Variants in ARHGAP23 observed in about 807,000 individuals in gnomAD.
The protein encoded by ARHGAP23 is Rho GTPase activating protein 23, also known as rho GTPase-activating protein 23.
ARHGAP23 carries 34 observed loss-of-function variants against 136.3 expected under a neutral mutation model. That is an observed-to-expected ratio of 0.25 (90% CI 0.19 to 0.33). ARHGAP23 has a LOEUF of 0.33. Among genes scored for constraint, ARHGAP23 ranks in the 10% least tolerant of loss-of-function variants. The probability of loss-of-function intolerance (pLI) is 1.00; values close to 1 mark genes in which losing one functional copy is unlikely to be tolerated. For missense variants in ARHGAP23, 1,808 were observed against 2,139.0 expected, an observed-to-expected ratio of 0.85 and a Z score of 3.05; for synonymous variants, 832 against 920.5, an observed-to-expected ratio of 0.90 and a Z score of 1.74.
intron 17 of ARHGAP23, among the ~76,000 whole-genome samples, chr17:38,488,392 GTTGT>G (rs1222324109): frequency 1.3e-5 from 2 of 152,024 alleles, no homozygotes; most frequent in Non-Finnish European, 1.5e-5. Flanking sequence ...TTTCTGTTGC[GTTGT>G]TTATCTTTTT....
intron 7 of ARHGAP23, among the ~76,000 whole-genome samples, chr17:38,467,603 CCCAT>C (rs568421410): frequency 6.4e-4 from 98 of 152,030 alleles, no homozygotes; most frequent in South Asian, 2.3e-3. Flanking sequence ...TTTCCCTCTC[CCCAT>C]CCATCCATCC....
intron 12 of ARHGAP23, among the ~76,000 whole-genome samples, chr17:38,478,417 A>T (rs1218572336): frequency 1.2e-4 from 17 of 145,208 alleles, no homozygotes; most frequent in East Asian, 2.1e-4. Context: ...TTTTGGGATA[A>T]TTTTTTTTTT....
rs1475953915 is a variant in ARHGAP23 at position 38,466,080 on chromosome 17, T to A, written c.484-87T>A. On this transcript the variant is annotated intron_variant, in intron 6 of 23. Coordinates refer to ENST00000622683, the MANE Select transcript of ARHGAP23 (RefSeq NM_001199417.2). ...TGGTCCTCTCCCTTCATTTCCCTCC[T>A]GGGCTCCTTGACCTCCTCGGGCTGC... The A allele has an allele frequency of 3.0e-6, 3 of 1,011,602 alleles. No individual in the cohort carries two copies. The Admixed American group carries it at 1.3e-4, about 45-fold the overall frequency. 62.7% of individuals were successfully genotyped at this position (1,011,602 alleles called of 1,614,324 possible). A position where few individuals can be genotyped will look rare whatever the true frequency, so the allele number is the denominator to read the frequency against.
chr17:38,439,208 C>T (rs1490156282), intron 1 of ARHGAP23, among the ~76,000 whole-genome samples: 1 of 151,736 alleles, frequency 6.6e-6, no homozygotes, highest in Non-Finnish European at 1.5e-5. Context: ...AGTATGTCAC[C>T]CTCTTCCCCT....
intron 1 of ARHGAP23, chr17:38,453,779 G>A (rs1479258993): frequency 6.9e-6 from 1 of 145,494 alleles, no homozygotes; most frequent in Non-Finnish European, 1.5e-5. Flanking sequence ...GGGGCCCCCG[G>A]GCCCCGGGCC....
chr17:38,468,648 G>A (rs2039670632), intron 7 of ARHGAP23, among the ~76,000 whole-genome samples: 1 of 152,162 alleles, frequency 6.6e-6, no homozygotes, highest in African/African-American at 2.4e-5. Flanking sequence ...GGCCGGGAGA[G>A]GCAGTCTCTT....
rs561405728 is a variant in ARHGAP23 at position 38,463,436 on chromosome 17, C to A, written c.483+54C>A. Reference sequence around the variant, plus strand: ...AGACCCCTGAGCCCTGGGGCAGCACCGGCTCCCCTGGGAGGCAGAGAAGGA... The same window carrying A: ...AGACCCCTGAGCCCTGGGGCAGCACAGGCTCCCCTGGGAGGCAGAGAAGGA... On this transcript the variant is annotated intron_variant, in intron 6 of 23. Coordinates refer to ENST00000622683, the MANE Select transcript of ARHGAP23 (RefSeq NM_001199417.2). 7 of 1,537,478 alleles carry A rather than the reference C, an allele frequency of 4.6e-6. No individual in the cohort carries two copies. The African/African-American group carries it at 6.9e-5, about 15-fold the overall frequency.
chr17:38,490,090 G>A lies in ARHGAP23; in HGVS notation c.2987-12G>A, dbSNP rs1357097837. 7.7e-6 allele frequency: 12 copies of A among 1,551,322 alleles called. No homozygotes were observed. Among genetic ancestry groups the A allele is most frequent in the East Asian group, 4.9e-5 (2 of 40,938 alleles). On this transcript the variant is annotated splice_polypyrimidine_tract_variant and intron_variant, in intron 17 of 23. Coordinates refer to ENST00000622683, the MANE Select transcript of ARHGAP23 (RefSeq NM_001199417.2). Reference sequence around the variant, plus strand: ...GCCCCCACCTCTCTAAAGAGTCTCCGCTGTGTTCTAGACAAATACAACGAC... The same window carrying A: ...GCCCCCACCTCTCTAAAGAGTCTCCACTGTGTTCTAGACAAATACAACGAC...
intron 1 of ARHGAP23, chr17:38,453,799 G>A (rs1221440937): frequency 1.4e-5 from 2 of 144,544 alleles, no homozygotes; most frequent in Admixed American, 6.8e-5. Flanking sequence ...CCGCGGCTCC[G>A]GGGGGCGGGC....
At chr17:38,469,455 G>C in intron 8 of ARHGAP23, 69 bp from the exon 9 acceptor site, 1 of 1,486,794 alleles carries the variant, frequency 6.7e-7, no homozygotes, top group Non-Finnish European at 9.1e-7. Context: ...TGCCCAGAAG[G>C]GAGGGCTCTG....
In ARHGAP23 at chr17:38,482,087, G is replaced by T. The variant is rs182020654; in HGVS notation, c.2695G>T (p.Ala899Ser). ...INIIKKNKKA[A>S]PRAFGVRLEE... Reference sequence around the variant, plus strand: ...CATCATCAAGAAAAATAAGAAGGCCGCTCCGAGGGCGTTTGGGGTCAGGCT... The same window carrying T: ...CATCATCAAGAAAAATAAGAAGGCCTCTCCGAGGGCGTTTGGGGTCAGGCT... The change falls in exon 15 of 24, where the codon GCT becomes TCT. Residue 899 changes from alanine to serine, a missense_variant. Physicochemically the swap from Ala to Ser is moderately conservative, Grantham distance 99. Around this residue, in one of 7 missense-constraint regions of ARHGAP23, gnomAD observed 73 missense variants for 82.5 expected, o/e 0.88. Transcript: ENST00000622683. 3 of 1,549,846 alleles carry T rather than the reference G, an allele frequency of 1.9e-6. No homozygotes were observed. Among genetic ancestry groups the T allele is most frequent in the South Asian group, 1.2e-5 (1 of 83,804 alleles).
chr17:38,428,226 G>C (rs538972518), upstream of ARHGAP23, among the ~76,000 whole-genome samples: 4 of 152,166 alleles, frequency 2.6e-5, no homozygotes, highest in South Asian at 6.2e-4. Flanking sequence ...CTCTTCGCCA[G>C]GCTGGGCTCT....
rs1053438536 is a variant in ARHGAP23, at chr17:38,466,998, C to T, written c.1315C>T (p.Arg439Trp). The change falls in exon 7 of 24, where the codon CGG becomes TGG. Residue 439 changes from arginine (R) to tryptophan (W), a missense_variant. By Grantham distance (101) the Arg-to-Trp change is moderately radical. Transcript: ENST00000622683. ...CGGCCTCCTCCATGCGCTCTCCTTC[C>T]GGGACTCACCCTTTGGGGGGCTGCC... ...RTGLLHALSF[R>W]DSPFGGLPTF... 1.3e-5 allele frequency: 20 copies of T among 1,550,578 alleles called. No individual in the cohort carries two copies. The highest frequency in any genetic ancestry group is 3.9e-5 in the Admixed American group (2 of 50,992).
At chr17:38,464,757 C>T (rs1013010677) in intron 6 of ARHGAP23, among the ~76,000 whole-genome samples, 1 of 152,198 alleles carries the variant, frequency 6.6e-6, no homozygotes, top group Non-Finnish European at 1.5e-5. Context: ...GCAGTAGCCT[C>T]AAGTTCTGCT....
At chr17:38,491,627 C>T (rs1291527339) in intron 20 of ARHGAP23, 95 bp downstream of exon 20, 2 of 1,504,822 alleles carry the variant, frequency 1.3e-6, no homozygotes, top group African/African-American at 2.8e-5. Context: ...CGGAGTGTGC[C>T]CCAGGAAGGG....
chr17:38,421,884 C>T (rs2038523874), intron 1 of ARHGAP23, among the ~76,000 whole-genome samples: 1 of 152,244 alleles, frequency 6.6e-6, no homozygotes, highest in African/African-American at 2.4e-5. Flanking sequence ...CTCTTCCCTT[C>T]CTCTATGTTC....
intron 20 of ARHGAP23, among the ~76,000 whole-genome samples, chr17:38,497,449 G>A (rs936132887): frequency 2.0e-5 from 3 of 152,218 alleles, no homozygotes; most frequent in African/African-American, 2.4e-5. Context: ...TATACCACAG[G>A]GGTGTGCCCA....
intron 7 of ARHGAP23, among the ~76,000 whole-genome samples, chr17:38,468,605 C>G (rs1435340496): frequency 6.6e-6 from 1 of 152,154 alleles, no homozygotes; most frequent in Non-Finnish European, 1.5e-5. Context: ...AGAGACACAG[C>G]CCCTTCTGCT....
Position 38,462,878 on chromosome 17 carries a change from G to C in ARHGAP23, c.286G>C (p.Asp96His). ...PSPRYRLEPM[D>H]TIFVKNVKED... is the part of the protein sequence containing the mutation. Reference sequence around the variant, plus strand: ...CCCCCGGTACCGCCTGGAGCCCATGGACACCATCTTTGTCAAGAATGTGAA... The same window carrying C: ...CCCCCGGTACCGCCTGGAGCCCATGCACACCATCTTTGTCAAGAATGTGAA... The change falls in exon 4 of 24, where the codon GAC becomes CAC. Residue 96 changes from aspartate (D) to histidine (H), a missense_variant. Around this residue, in one of 7 missense-constraint regions of ARHGAP23, gnomAD observed 859 missense variants for 936.4 expected, o/e 0.92. Transcript: ENST00000622683. The C allele has an allele frequency of 6.5e-7, 1 of 1,533,596 alleles. No homozygotes were observed. Among genetic ancestry groups the C allele is most frequent in the Non-Finnish European group, 8.8e-7 (1 of 1,141,604 alleles). 95.0% of individuals were successfully genotyped at this position (1,533,596 alleles called of 1,614,324 possible). A position where few individuals can be genotyped will look rare whatever the true frequency, so the allele number is the denominator to read the frequency against.
Sources: allele counts gnomAD v4.1 joint callset (sites outside exome capture counted in the v4.1 genomes callset), GRCh38; gene constraint gnomAD v4.1.1; regional missense constraint gnomAD v4.1.1; transcripts MANE v1.5; gene names NCBI Gene and HGNC (gene_info 2026-07-23, HGNC 2026-07-21).